LRFN5: variants seen among roughly 807,000 people sequenced by gnomAD.
LRFN5 encodes the protein leucine-rich repeat and fibronectin type-III domain-containing protein 5.
In LRFN5, 24 loss-of-function variants were observed where a neutral mutation model predicts 45.6. The ratio of observed to expected loss-of-function variants is 0.53; its 90% CI spans 0.38 to 0.74. LRFN5 has a LOEUF of 0.74. Among genes scored for constraint, LRFN5 ranks in the 30% least tolerant of loss-of-function variants. The pLI, the probability that LRFN5 is intolerant of heterozygous loss-of-function variation, is 0.00. For missense variants in LRFN5, 776 were observed against 861.5 expected, an observed-to-expected ratio of 0.90 and a Z score of 1.24; for synonymous variants, 340 against 313.8, an observed-to-expected ratio of 1.08 and a Z score of -0.88.
intron 3 of LRFN5, among the ~76,000 whole-genome samples, chr14:41,888,762 T>C (rs186029020): frequency 1.5e-3 from 233 of 152,202 alleles, no homozygotes; most frequent in Non-Finnish European, 3.0e-3. Context: ...CAAGTAAGGA[T>C]GATGATGGAG....
At position 41,723,928 on chromosome 14, in the gene LRFN5, GTTAAACACCTGACAC is replaced by G. The variant is rs1883827010; in HGVS notation, c.-196-42923_-196-42909del. ...GTCCTGTTCTTGGTCCTGGGTCTGGGTTAAACACCTGACACTTTTCATGGTATCTTTCCCTCTCAC... is the reference window on the plus strand; with the variant it reads ...GTCCTGTTCTTGGTCCTGGGTCTGGGTTTTCATGGTATCTTTCCCTCTCAC... On this transcript the variant is annotated intron_variant, in intron 1 of 5. Coordinates refer to ENST00000298119, the MANE Select transcript of LRFN5 (RefSeq NM_152447.5). 2.6e-5 allele frequency among the ~76,000 whole-genome samples: 4 copies of G among 152,098 alleles called. No individual in the cohort carries two copies. The South Asian group carries it at 8.3e-4, about 32-fold the overall frequency.
At chr14:41,898,839 G>C (rs1390284000) in intron 4 of LRFN5, 78 bp from the exon 5 acceptor site, 1 of 1,345,424 alleles carries the variant, frequency 7.4e-7, no homozygotes, top group Non-Finnish European at 1.0e-6. Context: ...GTATTACCAA[G>C]ATTTCAGTAA....
In LRFN5 at chr14:41,802,592, T is replaced by C. The variant is rs116623694; in HGVS notation, c.-21+35563T>C. On this transcript the variant is annotated intron_variant, in intron 2 of 5. Coordinates refer to ENST00000298119, the MANE Select transcript of LRFN5 (RefSeq NM_152447.5). Reference sequence around the variant, plus strand: ...TTTTGTCAAGGAAAGTCTGTCACCATAGAATAATTTAATAGGCTAGGATAA... The same window carrying C: ...TTTTGTCAAGGAAAGTCTGTCACCACAGAATAATTTAATAGGCTAGGATAA... Among the ~76,000 whole-genome samples, 1,295 of 152,268 alleles carry C rather than the reference T, an allele frequency of 8.5e-3. 16 individuals are homozygous for C. The highest frequency in any genetic ancestry group is 0.029 in the African/African-American group (1,222 of 41,560).
chr14:41,607,307 A>C lies in LRFN5; in HGVS notation c.-1452A>C, dbSNP rs1049636344. The stretch of plus-strand genomic sequence containing the variant: ...TTTTGCACGGTCCGTTATATCAGAA[A>C]AAAAAAGCGCAACTGGACGGGGGTG... On this transcript the variant is annotated 5_prime_UTR_variant, in exon 1 of 6. Transcript: ENST00000298119. 3.3e-5 allele frequency among the ~76,000 whole-genome samples: 5 copies of C among 152,152 alleles called. No individual in the cohort carries two copies. Among genetic ancestry groups the C allele is most frequent in the Non-Finnish European group, 7.4e-5 (5 of 68,024 alleles).
intron 2 of LRFN5, among the ~76,000 whole-genome samples, chr14:41,798,950 T>A (rs983714593): frequency 2.8e-4 from 43 of 152,056 alleles, no homozygotes; most frequent in African/African-American, 8.7e-4. Context: ...GAGGCTACTC[T>A]AGTTGAGGTT....
At chr14:41,621,564 C>T (rs1006158099) in intron 1 of LRFN5, among the ~76,000 whole-genome samples, 4 of 151,964 alleles carry the variant, frequency 2.6e-5, no homozygotes, top group Non-Finnish European at 5.9e-5. Context: ...TATGACGGTC[C>T]CGAGCTTGTT....
intron 5 of LRFN5, 126 bp downstream of exon 5, chr14:41,899,086 T>G (rs1329239635): frequency 1.4e-6 from 1 of 720,698 alleles, no homozygotes; most frequent in Non-Finnish European, 2.2e-6. Flanking sequence ...AAAATTTACT[T>G]ATAATTCTCA....
chr14:41,794,595 T>C (rs1383986722), intron 2 of LRFN5, among the ~76,000 whole-genome samples: 1 of 151,904 alleles, frequency 6.6e-6, no homozygotes, highest in Admixed American at 6.6e-5. Flanking sequence ...AAAAGTACAG[T>C]GTGGGAAAAG....
chr14:41,783,524 T>C (rs1437643433), intron 2 of LRFN5, among the ~76,000 whole-genome samples: 1 of 152,160 alleles, frequency 6.6e-6, no homozygotes, highest in East Asian at 1.9e-4. Context: ...TAAAACCTTA[T>C]CAATCATTTT....
chr14:41,852,489 C>G (rs1889306174), intron 2 of LRFN5, among the ~76,000 whole-genome samples: 1 of 151,900 alleles, frequency 6.6e-6, no homozygotes, highest in Admixed American at 6.6e-5. Flanking sequence ...TAAAGAACAT[C>G]AAAATATCTA....
In LRFN5 at chr14:41,896,043, A is replaced by G. The variant is rs1303916945; in HGVS notation, c.2099-2874A>G. 1.3e-4 allele frequency among the ~76,000 whole-genome samples: 20 copies of G among 152,118 alleles called. 1 individual carries two copies. ...TATTTTATTTGCTTGTATTTTTGAA[A>G]AGAAAATATATCATTTATAAAGCTA... On this transcript the variant is annotated intron_variant, in intron 4 of 5. Coordinates refer to ENST00000298119, the MANE Select transcript of LRFN5 (RefSeq NM_152447.5).
chr14:41,759,602 G>A (rs1411456313), intron 1 of LRFN5, among the ~76,000 whole-genome samples: 2 of 151,996 alleles, frequency 1.3e-5, no homozygotes, highest in Non-Finnish European at 1.5e-5. Context: ...ACCAGTCCAG[G>A]AGTGCACTTA....
chr14:41,740,434 A>T (rs1333060675), intron 1 of LRFN5, among the ~76,000 whole-genome samples: 1 of 152,036 alleles, frequency 6.6e-6, no homozygotes, highest in Admixed American at 6.6e-5. Flanking sequence ...AATGAAGAAG[A>T]AAATCATATG....
intron 2 of LRFN5, among the ~76,000 whole-genome samples, chr14:41,844,531 A>T (rs1478672742): frequency 6.6e-6 from 1 of 152,166 alleles, no homozygotes; most frequent in Non-Finnish European, 1.5e-5. Flanking sequence ...TGGTGAGTTT[A>T]AAAAGCATTC....
intron 2 of LRFN5, among the ~76,000 whole-genome samples, chr14:41,793,055 G>A (rs891572850): frequency 2.6e-5 from 4 of 151,178 alleles, no homozygotes; most frequent in African/African-American, 9.7e-5. Context: ...GCTAGAGGAC[G>A]AGTTAGTGGG....
rs1187555182 is a variant in LRFN5, at chr14:41,892,175, G to A, written c.2098+213G>A. 3.0e-6 allele frequency: 3 copies of A among 985,266 alleles called. No individual in the cohort carries two copies. In the East Asian group the frequency reaches 3.4e-4, roughly 112 times the overall value. 61.0% of individuals were successfully genotyped at this position (985,266 alleles called of 1,614,324 possible). A position where few individuals can be genotyped will look rare whatever the true frequency, so the allele number is the denominator to read the frequency against. The stretch of plus-strand genomic sequence containing the variant: ...AACTCTCAAATTCTGAGGGACTACT[G>A]GAAAGCTCTGTGTAATTTATAATTT... On this transcript the variant is annotated intron_variant, in intron 4 of 5. Coordinates refer to ENST00000298119, the MANE Select transcript of LRFN5 (RefSeq NM_152447.5).
intron 1 of LRFN5, among the ~76,000 whole-genome samples, chr14:41,655,744 A>T (rs904050874): frequency 6.6e-6 from 1 of 151,956 alleles, no homozygotes; most frequent in Non-Finnish European, 1.5e-5. Context: ...AGGTGGTTAG[A>T]TTCTACATAT....
chr14:41,678,308 AT>A (rs1881730183), intron 1 of LRFN5, among the ~76,000 whole-genome samples: 2 of 152,166 alleles, frequency 1.3e-5, no homozygotes, highest in East Asian at 3.9e-4. Context: ...TATATGCCAT[AT>A]ATATGAAAAT....
chr14:41,867,312 A>G (rs1247653980), intron 2 of LRFN5, among the ~76,000 whole-genome samples: 1 of 152,048 alleles, frequency 6.6e-6, no homozygotes, highest in Non-Finnish European at 1.5e-5. Flanking sequence ...TAAGAGTGTC[A>G]TGTTAAATGT....
Sources: allele counts gnomAD v4.1 joint callset (sites outside exome capture counted in the v4.1 genomes callset), GRCh38; gene constraint gnomAD v4.1.1; transcripts MANE v1.5; gene names NCBI Gene and HGNC (gene_info 2026-07-23, HGNC 2026-07-21).